Variants in COG6 observed in about 807,000 individuals in gnomAD.
The protein encoded by COG6 is conserved oligomeric Golgi complex subunit 6.
Under a neutral mutation model 88.8 loss-of-function variants are expected in COG6, and 74 were observed. The observed-to-expected ratio is 0.83, with a 90% CI of 0.69 to 1.01. The LOEUF is 1.01. COG6 is among the 50% of genes least tolerant of loss of function. COG6 has a pLI of 0.00. For missense variants in COG6, 800 were observed against 797.9 expected (o/e 1.00, Z -0.03); for synonymous variants, 286 against 278.7 (o/e 1.03, Z -0.26).
rs568501805 is a variant in COG6 at position 39,661,179 on chromosome 13, T to G, written c.369+298T>G. On this transcript the variant is annotated intron_variant, in intron 3 of 18. Transcript: ENST00000455146. ...TTCTAGAAATCTAGGAGTAATGATT[T>G]TTTTTAGTAAGAAGCCTTAGGAATA... Among the ~76,000 whole-genome samples the G allele has an allele frequency of 2.0e-5, 3 of 152,328 alleles. No homozygotes were observed. The East Asian group carries it at 5.8e-4, about 29-fold the overall frequency.
intron 1 of COG6, among the ~76,000 whole-genome samples, chr13:39,659,063 G>A (rs909962903): frequency 2.6e-5 from 4 of 151,754 alleles, no homozygotes; most frequent in Non-Finnish European, 4.4e-5. Flanking sequence ...TTGTGAATGA[G>A]TATATCATAA....
intron 4 of COG6, among the ~76,000 whole-genome samples, chr13:39,665,476 T>C (rs1197338980): frequency 3.3e-5 from 5 of 152,206 alleles, no homozygotes; most frequent in South Asian, 2.1e-4. Flanking sequence ...TACTTTTTTT[T>C]CACAATCATT....
chr13:39,696,225 A>C (rs1877267305), intron 12 of COG6, among the ~76,000 whole-genome samples: 1 of 151,988 alleles, frequency 6.6e-6, no homozygotes, highest in South Asian at 2.1e-4. Flanking sequence ...TCAATTAAAC[A>C]GTTGACTGTA....
chr13:39,655,759 GT>G lies in COG6; in HGVS notation c.34del (p.Ser12LeufsTer43). On this transcript the variant is annotated frameshift_variant, in exon 1 of 19. Coordinates refer to ENST00000455146, the MANE Select transcript of COG6 (RefSeq NM_020751.3). LOFTEE classifies it high-confidence loss of function. ...AEGSGEVVAV[S>X]ATGAANGLNN... The stretch of plus-strand genomic sequence containing the variant: ...AGGGCAGCGGGGAAGTGGTCGCAGT[GT>G]CTGCGACCGGGGCTGCCAACGGCCT... 6.3e-7 allele frequency: 1 copy of G among 1,593,282 alleles called. No individual in the cohort carries two copies. Among genetic ancestry groups the G allele is most frequent in the Non-Finnish European group, 8.5e-7 (1 of 1,170,126 alleles).
chr13:39,680,274 CTGTTTTTTGTGTT>C (rs1378461199), intron 7 of COG6, among the ~76,000 whole-genome samples: 1 of 152,142 alleles, frequency 6.6e-6, no homozygotes, highest in Non-Finnish European at 1.5e-5. Context: ...TTTGAGCACA[CTGTTTTTTGTGTT>C]TGTATCATGA....
At chr13:39,757,725 T>C (rs948878767) in intron 18 of COG6, among the ~76,000 whole-genome samples, 3 of 151,780 alleles carry the variant, frequency 2.0e-5, no homozygotes, top group African/African-American at 7.3e-5. Context: ...CAAGAAGAAA[T>C]ATAAAATCTG....
At chr13:39,754,336 G>A (rs1880763230), downstream of COG6, among the ~76,000 whole-genome samples, 1 of 152,044 alleles carries the variant, frequency 6.6e-6, no homozygotes, top group Non-Finnish European at 1.5e-5. Context: ...GAAAATGAAT[G>A]GTTTTCAAGT....
At chr13:39,720,766 A>G (rs1199974713) in intron 15 of COG6, among the ~76,000 whole-genome samples, 1 of 151,920 alleles carries the variant, frequency 6.6e-6, no homozygotes, top group African/African-American at 2.4e-5. Flanking sequence ...GTGTATTGCT[A>G]CTTATAGATT....
At chr13:39,755,348 C>A (rs1402834600), downstream of COG6, among the ~76,000 whole-genome samples, 1 of 151,938 alleles carries the variant, frequency 6.6e-6, no homozygotes, top group African/African-American at 2.4e-5. Context: ...GCAGATTATC[C>A]TTATTTGATC....
chr13:39,745,017 C>T (rs965265121), intron 18 of COG6, among the ~76,000 whole-genome samples: 9 of 152,150 alleles, frequency 5.9e-5, no homozygotes, highest in African/African-American at 2.2e-4. Flanking sequence ...ATAAATGGTA[C>T]TGGGAAAACT....
At position 39,682,177 on chromosome 13, in the gene COG6, G is replaced by A. The variant is rs1876352717; in HGVS notation, c.701G>A (p.Cys234Tyr). 4 of 1,607,120 alleles carry A rather than the reference G, an allele frequency of 2.5e-6. No individual in the cohort carries two copies. The highest frequency in any genetic ancestry group is 3.4e-6 in the Non-Finnish European group (4 of 1,173,854). Residue 234 changes from cysteine to tyrosine, a missense_variant, in exon 8 of 19, where the codon TGC (cysteine) becomes TAC (tyrosine). By Grantham distance (194) the Cys-to-Tyr change is radical. Transcript: ENST00000455146. The part of the protein sequence containing the change: ...ERLYRWAQSE[C>Y]RTLTQESCDV... ...AATGTTAATTATTTTTCAGGTGAAT[G>A]CAGAACATTGACACAAGAATCATGT...
At chr13:39,734,250 T>A (rs1029367973) in intron 18 of COG6, among the ~76,000 whole-genome samples, 6 of 152,164 alleles carry the variant, frequency 3.9e-5, no homozygotes, top group African/African-American at 1.4e-4. Context: ...CTACAAAGTT[T>A]CCTTTTAGTA....
At chr13:39,749,004 C>A in intron 18 of COG6, among the ~76,000 whole-genome samples, 1 of 152,106 alleles carries the variant, frequency 6.6e-6, no homozygotes, top group Non-Finnish European at 1.5e-5. Context: ...AACATAATTC[C>A]TAGAAAAACA....
At chr13:39,704,852 C>T (rs1430549124) in intron 13 of COG6, among the ~76,000 whole-genome samples, 2 of 152,052 alleles carry the variant, frequency 1.3e-5, no homozygotes, top group Non-Finnish European at 1.5e-5. Flanking sequence ...GTCATTATTA[C>T]TAATTGAACC....
At chr13:39,776,957 T>A (rs12876235) in intron 18 of COG6, among the ~76,000 whole-genome samples, 2 of 152,120 alleles carry the variant, frequency 1.3e-5, no homozygotes, top group South Asian at 2.1e-4. Flanking sequence ...AGCTTTTCTC[T>A]CTTTAGTTGT....
intron 18 of COG6, among the ~76,000 whole-genome samples, chr13:39,730,862 C>A (rs1879408024): frequency 6.7e-6 from 1 of 150,112 alleles, no homozygotes; most frequent in South Asian, 2.1e-4. Flanking sequence ...GGCATTGTCA[C>A]CCAGGCTGGA....
At chr13:39,773,489 G>A (rs1368090520) in intron 18 of COG6, among the ~76,000 whole-genome samples, 1 of 152,178 alleles carries the variant, frequency 6.6e-6, no homozygotes, top group Non-Finnish European at 1.5e-5. Flanking sequence ...TTTTACCTCT[G>A]CTTCAATTAG....
At chr13:39,668,512 G>A (rs1362940765) in intron 4 of COG6, among the ~76,000 whole-genome samples, 1 of 152,130 alleles carries the variant, frequency 6.6e-6, no homozygotes, top group Non-Finnish European at 1.5e-5. Context: ...AACAAGGCCG[G>A]GCGCCGTAGC....
chr13:39,700,363 C>T (rs1231621111), intron 13 of COG6, among the ~76,000 whole-genome samples: 1 of 151,796 alleles, frequency 6.6e-6, no homozygotes, highest in Non-Finnish European at 1.5e-5. Context: ...CGTGGTCAAT[C>T]TTCACTTTCC....
Sources: gnomAD v4.1 joint callset for allele counts (sites outside exome capture counted in the v4.1 genomes callset) on GRCh38, gnomAD v4.1.1 for gene constraint, MANE v1.5 for transcripts, NCBI Gene and HGNC (gene_info 2026-07-23, HGNC 2026-07-21) for gene names.